GRIN3A: variants seen among roughly 807,000 people sequenced by gnomAD.
The protein encoded by GRIN3A is glutamate receptor ionotropic, NMDA 3A.
GRIN3A carries 47 observed loss-of-function variants against 92.4 expected under a neutral mutation model. The ratio of observed to expected loss-of-function variants is 0.51; its 90% CI spans 0.40 to 0.65. The LOEUF is 0.65. GRIN3A is among the 30% of genes least tolerant of loss of function. The pLI is 0.00. For missense variants in GRIN3A, 1,324 were observed against 1,393.1 expected (o/e 0.95, Z 0.79); for synonymous variants, 527 against 540.6 (o/e 0.97, Z 0.35).
At chr9:101,649,100 G>A (rs62577437) in intron 3 of GRIN3A, among the ~76,000 whole-genome samples, 10,266 of 151,978 alleles carry the variant, frequency 0.068, 394 homozygotes, top group Middle Eastern at 0.15. Flanking sequence ...AAAAGCACCA[G>A]AGCTCAAAAG....
Position 101,623,042 on chromosome 9 carries a change from T to G in GRIN3A, c.2614+276A>C, listed in dbSNP as rs1449195490. On this transcript the variant is annotated intron_variant, in intron 5 of 8. Coordinates refer to ENST00000361820, the MANE Select transcript of GRIN3A (RefSeq NM_133445.3). ...CACACAATACAGATTAAATTAAAAT[T>G]TATTACACTGTGCCACCACTCCCAG... Among the ~76,000 whole-genome samples the G allele has an allele frequency of 2.1e-5, 3 of 146,226 alleles. No individual in the cohort carries two copies. In the East Asian group the frequency reaches 5.9e-4, roughly 29 times the overall value.
At chr9:101,703,785 T>C (rs1431064246) in intron 1 of GRIN3A, among the ~76,000 whole-genome samples, 2 of 152,170 alleles carry the variant, frequency 1.3e-5, no homozygotes, top group Non-Finnish European at 2.9e-5. Context: ...TTATTATTTA[T>C]TATCGTTACT....
chr9:101,724,639 G>A (rs777428452), intron 1 of GRIN3A, among the ~76,000 whole-genome samples: 4 of 152,228 alleles, frequency 2.6e-5, no homozygotes, highest in Non-Finnish European at 4.4e-5. Flanking sequence ...GCGAGCGAGC[G>A]AGGGCTGTGA....
In GRIN3A at chr9:101,571,930, C is replaced by T. The variant is rs1376051970; in HGVS notation, c.*1244G>A. 6.6e-6 allele frequency: 1 copy of T among 152,174 alleles called. No homozygotes were observed. Among genetic ancestry groups the T allele is most frequent in the East Asian group, 1.9e-4 (1 of 5,196 alleles). The allele number at this position is 152,174 out of a possible 1,614,324, so 9.4% of individuals were successfully genotyped here. ...TTGAGAACTGACCCATATTCCTTTCCCTTGCTGCCTAAACTTGATATGCTG... is the reference window on the plus strand; with the variant it reads ...TTGAGAACTGACCCATATTCCTTTCTCTTGCTGCCTAAACTTGATATGCTG... On this transcript the variant is annotated 3_prime_UTR_variant, in exon 9 of 9. Transcript: ENST00000361820.
chr9:101,701,664 G>A (rs11791256), intron 1 of GRIN3A, among the ~76,000 whole-genome samples: 20,272 of 152,168 alleles, frequency 0.13, 1,609 homozygotes, highest in Admixed American at 0.19. Context: ...TGAAGATGCC[G>A]AAAGCAGTTG....
At chr9:101,618,078 A>G (rs1169789380) in intron 5 of GRIN3A, among the ~76,000 whole-genome samples, 2 of 152,050 alleles carry the variant, frequency 1.3e-5, no homozygotes, top group Non-Finnish European at 2.9e-5. Flanking sequence ...CTAAAACCAT[A>G]AAAACCCTAG....
At position 101,594,383 on chromosome 9, in the gene GRIN3A, T is replaced by C. The variant is rs369451642; in HGVS notation, c.2767-15023A>G. The C allele has an allele frequency of 1.3e-5, 20 of 1,561,500 alleles. No individual in the cohort carries two copies. In the Admixed American group the frequency reaches 1.7e-4, roughly 13 times the overall value. ...GAGATAGGGAAGAAAGCAGAAGTTG[T>C]TGGGTGGTGCTTGTAAGAAAAAGGC... On this transcript the variant is annotated intron_variant, in intron 6 of 8. Transcript: ENST00000361820.
At position 101,570,458 on chromosome 9, in the gene GRIN3A, G is replaced by C. The variant is rs181487267; in HGVS notation, c.*2716C>G. On this transcript the variant is annotated 3_prime_UTR_variant, in exon 9 of 9. Coordinates refer to ENST00000361820, the MANE Select transcript of GRIN3A (RefSeq NM_133445.3). ...ACTGTTTCACAAATTGCAAAACACTGTTCAGTTACTACCAATAAAAATAAC... is the reference window on the plus strand; with the variant it reads ...ACTGTTTCACAAATTGCAAAACACTCTTCAGTTACTACCAATAAAAATAAC... The C allele has an allele frequency of 6.5e-6, 1 of 152,682 alleles. No individual in the cohort carries two copies. Among genetic ancestry groups the C allele is most frequent in the East Asian group, 1.9e-4 (1 of 5,168 alleles). 9.5% of individuals were successfully genotyped at this position (152,682 alleles called of 1,614,324 possible). A position where few individuals can be genotyped will look rare whatever the true frequency, so the allele number is the denominator to read the frequency against.
chr9:101,654,916 C>G (rs762423346), intron 3 of GRIN3A, among the ~76,000 whole-genome samples: 1 of 151,672 alleles, frequency 6.6e-6, no homozygotes, highest in Non-Finnish European at 1.5e-5. Flanking sequence ...GTATTCCTAG[C>G]CTTTATCTTA....
At chr9:101,645,160 C>A (rs1459249428) in intron 3 of GRIN3A, among the ~76,000 whole-genome samples, 2 of 151,842 alleles carry the variant, frequency 1.3e-5, no homozygotes, top group Non-Finnish European at 2.9e-5. Flanking sequence ...CCCCTCCCCC[C>A]ATGCTTCCTA....
intron 3 of GRIN3A, among the ~76,000 whole-genome samples, chr9:101,651,143 A>G (rs1439506807): frequency 1.3e-5 from 2 of 151,970 alleles, no homozygotes; most frequent in Non-Finnish European, 2.9e-5. Flanking sequence ...TAAATGAATG[A>G]TTTTTTAATG....
intron 8 of GRIN3A, among the ~76,000 whole-genome samples, chr9:101,576,888 T>G (rs1251433605): frequency 6.6e-6 from 1 of 152,202 alleles, no homozygotes; most frequent in African/African-American, 2.4e-5. Flanking sequence ...AAAAGAATCC[T>G]GTTTTCCATC....
chr9:101,646,969 A>G (rs1175292166), intron 3 of GRIN3A, among the ~76,000 whole-genome samples: 3 of 151,738 alleles, frequency 2.0e-5, no homozygotes, highest in Non-Finnish European at 4.4e-5. Flanking sequence ...TTCCTTTCCA[A>G]TTTGGATGCT....
intron 3 of GRIN3A, among the ~76,000 whole-genome samples, chr9:101,663,362 C>T (rs1416017464): frequency 6.6e-6 from 1 of 151,878 alleles, no homozygotes; most frequent in Non-Finnish European, 1.5e-5. Context: ...TTCCATGTTG[C>T]AAGGACAGTG....
intron 1 of GRIN3A, among the ~76,000 whole-genome samples, chr9:101,698,067 C>T (rs1046710976): frequency 2.0e-5 from 3 of 152,096 alleles, no homozygotes; most frequent in African/African-American, 7.2e-5. Flanking sequence ...TTTTCTTCTC[C>T]ACTGTGACAA....
intron 1 of GRIN3A, among the ~76,000 whole-genome samples, chr9:101,706,190 A>C (rs1209070800): frequency 2.0e-5 from 3 of 152,170 alleles, no homozygotes; most frequent in Non-Finnish European, 4.4e-5. Flanking sequence ...GCCCTACCTA[A>C]TACTACTTGA....
rs192972788 is a variant in GRIN3A at position 101,639,573 on chromosome 9, T to C, written c.2353-11172A>G. The stretch of plus-strand genomic sequence containing the variant: ...AAACCTAGAGTCAGCAATTTTGGGC[T>C]GATGAAATGCAAATGAATAAAAACA... On this transcript the variant is annotated intron_variant, in intron 3 of 8. Transcript: ENST00000361820. 2.7e-3 allele frequency among the ~76,000 whole-genome samples: 417 copies of C among 152,326 alleles called. 3 individuals are homozygous for C. The highest frequency in any genetic ancestry group is 9.5e-3 in the African/African-American group (396 of 41,566).
rs1162467375 is a variant in GRIN3A at position 101,572,561 on chromosome 9, G to GCTTCT, written c.*612_*613insAGAAG. On this transcript the variant is annotated 3_prime_UTR_variant, in exon 9 of 9. Transcript: ENST00000361820. Reference sequence around the variant, plus strand: ...CATGCTCTTACTAAACAGTCAGGATGGAGTCAGAGATCCAGAACCTTCTCA... The same window carrying GCTTCT: ...CATGCTCTTACTAAACAGTCAGGATGCTTCTGAGTCAGAGATCCAGAACCTTCTCA... 1 of 156,902 alleles carries GCTTCT rather than the reference G, an allele frequency of 6.4e-6. No individual in the cohort carries two copies. Among genetic ancestry groups the GCTTCT allele is most frequent in the African/African-American group, 2.4e-5 (1 of 41,446 alleles). The allele number at this position is 156,902 out of a possible 1,614,324, so 9.7% of individuals were successfully genotyped here.
At position 101,573,280 on chromosome 9, in the gene GRIN3A, T is replaced by C. The variant is rs767704553; in HGVS notation, c.3242A>G (p.Glu1081Gly). The C allele has an allele frequency of 2.5e-6, 4 of 1,614,076 alleles. No homozygotes were observed. The highest frequency in any genetic ancestry group is 1.7e-6 in the Non-Finnish European group (2 of 1,179,972). The change falls in exon 9 of 9, where the codon GAG (glutamate) becomes GGG (glycine). Residue 1081 changes from glutamate to glycine, a missense_variant. Glu to Gly is a moderately conservative substitution (Grantham distance 98, BLOSUM62 -2). Transcript: ENST00000361820. The part of the protein sequence containing the change: ...SRNSVMQELS[E>G]LEKQIQVIRQ... The stretch of plus-strand genomic sequence containing the variant: ...GATCACCTGAATCTGCTTCTCGAGC[T>C]CTGAGAGTTCCTGCATCACTGAGTT...
Sources: allele counts gnomAD v4.1 joint callset (sites outside exome capture counted in the v4.1 genomes callset), GRCh38; gene constraint gnomAD v4.1.1; transcripts MANE v1.5; gene names NCBI Gene and HGNC (gene_info 2026-07-23, HGNC 2026-07-21).